GMDS: variants seen among roughly 807,000 people sequenced by gnomAD.
GMDS encodes GDP-mannose 4,6-dehydratase, also known as GDP-mannose 4,6 dehydratase.
In GMDS, 20 loss-of-function variants were observed where a neutral mutation model predicts 49.9. The observed-to-expected ratio is 0.40, with a 90% CI of 0.28 to 0.58. The LOEUF is 0.58. Ranked by LOEUF, GMDS falls within the 20% of genes least tolerant of loss-of-function variation. The pLI, the probability that GMDS is intolerant of heterozygous loss-of-function variation, is 0.42. For synonymous variants in GMDS, 177 were observed against 178.6 expected, an observed-to-expected ratio of 0.99 and a Z score of 0.07; for missense variants, 362 against 481.4, an observed-to-expected ratio of 0.75 and a Z score of 2.32.
At chr6:1,961,409 C>T (rs549579944) in intron 4 of GMDS, among the ~76,000 whole-genome samples, 20 of 152,112 alleles carry the variant, frequency 1.3e-4, no homozygotes, top group Non-Finnish European at 2.8e-4. Context: ...TAGAACACAG[C>T]TGAATTTAAA....
chr6:1,950,053 A>AT (rs1445706059), intron 6 of GMDS, among the ~76,000 whole-genome samples: 3 of 152,202 alleles, frequency 2.0e-5, no homozygotes, highest in African/African-American at 7.2e-5. Context: ...ATATTCAGTA[A>AT]TTTTTTAAAG....
intron 4 of GMDS, among the ~76,000 whole-genome samples, chr6:1,983,694 A>G (rs1765363832): frequency 6.6e-6 from 1 of 152,190 alleles, no homozygotes; most frequent in Non-Finnish European, 1.5e-5. Context: ...GCCAGTCCAA[A>G]AGGCTATTTA....
intron 1 of GMDS, among the ~76,000 whole-genome samples, chr6:2,195,200 T>C (rs1326354362): frequency 2.6e-5 from 4 of 152,238 alleles, no homozygotes; most frequent in Admixed American, 1.3e-4. Context: ...CACTGTCTTT[T>C]CCTTTTTCTT....
chr6:1,821,865 A>G (rs1770917936), intron 7 of GMDS, among the ~76,000 whole-genome samples: 2 of 152,122 alleles, frequency 1.3e-5, no homozygotes, highest in Admixed American at 6.5e-5. Flanking sequence ...GGGGACGCCA[A>G]TTCTGCATGC....
chr6:2,153,689 C>T (rs1226430597), intron 1 of GMDS, among the ~76,000 whole-genome samples: 1 of 152,034 alleles, frequency 6.6e-6, no homozygotes, highest in Non-Finnish European at 1.5e-5. Flanking sequence ...TATCTAAACC[C>T]CACTGTGATA....
chr6:2,143,713 TC>T (rs1443199960), intron 1 of GMDS, among the ~76,000 whole-genome samples: 2 of 152,170 alleles, frequency 1.3e-5, no homozygotes, highest in African/African-American at 4.8e-5. Context: ...CTTGAGGCAT[TC>T]CAGGTAACTC....
chr6:1,978,851 C>T (rs1765067431), intron 4 of GMDS, among the ~76,000 whole-genome samples: 1 of 152,116 alleles, frequency 6.6e-6, no homozygotes, highest in Non-Finnish European at 1.5e-5. Flanking sequence ...GCGTTCAGGC[C>T]AGCAATAGGT....
chr6:1,932,830 G>A (rs748817742), intron 6 of GMDS, among the ~76,000 whole-genome samples: 3 of 152,084 alleles, frequency 2.0e-5, no homozygotes, highest in East Asian at 1.9e-4. Context: ...GAGCCACCGC[G>A]CCCGCTCAAA....
chr6:1,958,801 T>C (rs1418558272), intron 6 of GMDS, among the ~76,000 whole-genome samples: 1 of 152,192 alleles, frequency 6.6e-6, no homozygotes. Context: ...ATTCTCAGAC[T>C]AAAAATCTAA....
At chr6:2,211,655 G>GA (rs1780066761) in intron 1 of GMDS, among the ~76,000 whole-genome samples, 1 of 151,790 alleles carries the variant, frequency 6.6e-6, no homozygotes, top group African/African-American at 2.4e-5. Context: ...AAAATAACTA[G>GA]AAAAAATTTT....
At position 2,191,840 on chromosome 6, in the gene GMDS, T is replaced by G. The variant is rs569683259; in HGVS notation, c.102+53481A>C. Among the ~76,000 whole-genome samples the G allele has an allele frequency of 2.9e-4, 44 of 152,224 alleles. No individual in the cohort carries two copies. The highest frequency in any genetic ancestry group is 1.1e-3 in the African/African-American group (44 of 41,554). On this transcript the variant is annotated intron_variant, in intron 1 of 10. Coordinates refer to ENST00000380815, the MANE Select transcript of GMDS (RefSeq NM_001500.4). The surrounding 1 kb of genome is among the most constrained non-coding windows in gnomAD (Gnocchi z 4.6). Reference sequence around the variant, plus strand: ...TCCGGGGTGGAAGGGGGTAGGTCCCTGGTGAGACCCCACCTTCAGGCCAGG... The same window carrying G: ...TCCGGGGTGGAAGGGGGTAGGTCCCGGGTGAGACCCCACCTTCAGGCCAGG...
intron 4 of GMDS, among the ~76,000 whole-genome samples, chr6:2,062,113 G>T (rs979200674): frequency 6.6e-6 from 1 of 152,212 alleles, no homozygotes; most frequent in East Asian, 1.9e-4. Context: ...AGAAACCAAA[G>T]AAAGCCTGCC....
intron 9 of GMDS, among the ~76,000 whole-genome samples, chr6:1,648,665 T>G (rs1215771028): frequency 6.6e-6 from 1 of 152,242 alleles, no homozygotes; most frequent in Non-Finnish European, 1.5e-5. Flanking sequence ...ATCCGTTAGT[T>G]TCATAATACT....
At chr6:1,816,706 T>C (rs1201383867) in intron 7 of GMDS, among the ~76,000 whole-genome samples, 4 of 152,194 alleles carry the variant, frequency 2.6e-5, no homozygotes, top group Admixed American at 2.6e-4. Flanking sequence ...AACCAATTAA[T>C]GAACATGTAA....
chr6:2,105,199 A>G (rs1774172425), intron 4 of GMDS, among the ~76,000 whole-genome samples: 1 of 151,330 alleles, frequency 6.6e-6, no homozygotes, highest in Non-Finnish European at 1.5e-5. Context: ...AAAAAAAAAA[A>G]AAAAAGAAAT....
At chr6:1,903,078 T>C (rs1221969197) in intron 7 of GMDS, among the ~76,000 whole-genome samples, 1 of 152,064 alleles carries the variant, frequency 6.6e-6, no homozygotes, top group Admixed American at 6.5e-5. Context: ...ATTCACTTTG[T>C]TTTATTTACA....
intron 9 of GMDS, among the ~76,000 whole-genome samples, chr6:1,701,348 T>TA (rs1389819241): frequency 9.9e-5 from 15 of 152,216 alleles, no homozygotes; most frequent in African/African-American, 3.6e-4. Context: ...TTCCTTCCCA[T>TA]AGAGAATAAA....
In GMDS at chr6:2,120,773, C is replaced by T. The variant is rs376558876; in HGVS notation, c.148-3217G>A. Among the ~76,000 whole-genome samples the T allele has an allele frequency of 2.4e-4, 37 of 152,266 alleles. 2 individuals are homozygous for T. The South Asian group carries it at 6.2e-3, about 26-fold the overall frequency. ...AAAAGCTTCATTTCTGTCAATCCTC[C>T]GTTTTCCCTTATGACAGGAAGAAAT... On this transcript the variant is annotated intron_variant, in intron 2 of 10. Transcript: ENST00000380815.
intron 1 of GMDS, among the ~76,000 whole-genome samples, chr6:2,206,665 C>T (rs1779821486): frequency 6.6e-6 from 1 of 152,156 alleles, no homozygotes; most frequent in African/African-American, 2.4e-5. Context: ...AGGCTGCATC[C>T]AAGTCACTCA....
Sources: gnomAD v4.1 joint callset for allele counts (sites outside exome capture counted in the v4.1 genomes callset) on GRCh38, gnomAD v4.1.1 for gene constraint, Gnocchi (gnomAD v3.1) non-coding constraint, MANE v1.5 for transcripts, NCBI Gene and HGNC (gene_info 2026-07-23, HGNC 2026-07-21) for gene names.